Variants in CETP observed in about 807,000 individuals in gnomAD.
CETP encodes BPI fold containing family F.
In CETP, 56 loss-of-function variants were observed where a neutral mutation model predicts 66.5. That is an observed-to-expected ratio of 0.84 (90% CI 0.68 to 1.05). CETP has a LOEUF of 1.05. CETP is among the 50% of genes least tolerant of loss of function. The probability of loss-of-function intolerance (pLI) is 0.00; values close to 1 mark genes in which losing one functional copy is unlikely to be tolerated. For synonymous variants in CETP, 251 were observed against 245.7 expected (o/e 1.02, Z -0.20); for missense variants, 612 against 609.6 (o/e 1.00, Z -0.04).
At chr16:56,971,673 T>TA (rs1356075538) in intron 7 of CETP, among the ~76,000 whole-genome samples, 2 of 152,202 alleles carry the variant, frequency 1.3e-5, no homozygotes, top group Non-Finnish European at 2.9e-5. Context: ...GGAAAAAAGA[T>TA]AATTAGATTG....
At chr16:56,981,814 C>G (rs2142006666) in intron 13 of CETP, 134 bp downstream of exon 13, 1 of 851,404 alleles carries the variant, frequency 1.2e-6, no homozygotes, top group Admixed American at 2.1e-5. Context: ...CATGCTGTGT[C>G]TCTTGTGACC....
At chr16:56,964,636 C>T (rs2090909167) in intron 2 of CETP, among the ~76,000 whole-genome samples, 1 of 152,194 alleles carries the variant, frequency 6.6e-6, no homozygotes, top group African/African-American at 2.4e-5. Context: ...TAAACACGCT[C>T]CCCAGGGGTG....
At chr16:56,972,106 G>A (rs777945144) in intron 8 of CETP, 23 bp downstream of exon 8, 2 of 1,574,374 alleles carry the variant, frequency 1.3e-6, no homozygotes, top group Non-Finnish European at 1.7e-6. Flanking sequence ...GGAGGGTGGG[G>A]CAGGGCCCAG....
intron 9 of CETP, among the ~76,000 whole-genome samples, chr16:56,974,560 C>T (rs1433420726): frequency 3.9e-5 from 6 of 152,178 alleles, no homozygotes; most frequent in Admixed American, 6.5e-5. Flanking sequence ...TAACTTGGCA[C>T]GTAGTAACTG....
At chr16:56,971,964 G>A (rs1395019873) in intron 7 of CETP, 28 bp from the exon 8 acceptor site, 4 of 1,597,228 alleles carry the variant, frequency 2.5e-6, no homozygotes, top group Non-Finnish European at 2.6e-6. Flanking sequence ...CCATCCTGAG[G>A]CCCTGCGTTG....
At chr16:56,976,788 T>A (rs1316549221) in intron 10 of CETP, among the ~76,000 whole-genome samples, 1 of 152,232 alleles carries the variant, frequency 6.6e-6, no homozygotes, top group African/African-American at 2.4e-5. Context: ...ATCTCTTTTA[T>A]CTCTATCCTA....
chr16:56,972,580 C>T (rs764277368), intron 8 of CETP, among the ~76,000 whole-genome samples: 7 of 152,254 alleles, frequency 4.6e-5, no homozygotes, highest in South Asian at 2.1e-4. Flanking sequence ...GCCCCTTCCA[C>T]GTGTTCTCAG....
At chr16:56,982,018 C>T (rs2056191815) in intron 13 of CETP, 147 bp from the exon 14 acceptor site, 5 of 784,708 alleles carry the variant, frequency 6.4e-6, no homozygotes, top group African/African-American at 1.7e-5. Flanking sequence ...GGAAGGGCAC[C>T]GTCTGGGGCA....
rs147936747 is a variant in CETP at position 56,980,296 on chromosome 16, G to A, written c.1147-862G>A. 8.1e-4 allele frequency among the ~76,000 whole-genome samples: 123 copies of A among 152,186 alleles called. No individual in the cohort carries two copies. In the East Asian group the frequency reaches 0.021, roughly 26 times the overall value. ...GTTTCTGCCCAGGCTGGAGTGCAGC[G>A]GTGATCCTCCCACCTCAGCTTCTCG... is the stretch of plus-strand genomic sequence containing the variant. On this transcript the variant is annotated intron_variant, in intron 11 of 15. Transcript: ENST00000200676.
rs191754368 is a variant in CETP at position 56,972,970 on chromosome 16, C to T, written c.751-361C>T. Among the ~76,000 whole-genome samples the T allele has an allele frequency of 2.8e-3, 429 of 152,148 alleles. 4 individuals are homozygous for T. Among genetic ancestry groups the T allele is most frequent in the African/African-American group, 9.4e-3 (391 of 41,488 alleles). ...TTTCCTGATTTTGGCCTCCAGGAGC[C>T]GATGGTCAATGGACTGCCCTCTGCA... On this transcript the variant is annotated intron_variant, in intron 8 of 15. Coordinates refer to ENST00000200676, the MANE Select transcript of CETP (RefSeq NM_000078.3).
intron 10 of CETP, among the ~76,000 whole-genome samples, chr16:56,976,822 ATCTTTTTAGTTCATTAAT>A (rs1159762080): frequency 4.6e-5 from 7 of 151,858 alleles, no homozygotes; most frequent in Non-Finnish European, 8.8e-5. Context: ...TTCTTCAAGT[ATCTTTTTAGTTCATTAAT>A]TCTTTTTACA....
intron 10 of CETP, among the ~76,000 whole-genome samples, chr16:56,976,560 C>T (rs1699046224): frequency 6.6e-6 from 1 of 151,782 alleles, no homozygotes; most frequent in South Asian, 2.1e-4. Context: ...CAACCTCCAC[C>T]TTCCGGGTTC....
intron 5 of CETP, among the ~76,000 whole-genome samples, chr16:56,970,466 C>T (rs536546811): frequency 3.2e-4 from 48 of 152,324 alleles, no homozygotes; most frequent in African/African-American, 1.1e-3. Flanking sequence ...ACACACAACT[C>T]GCCACTAAGG....
At chr16:56,966,279 A>G (rs17231590) in intron 2 of CETP, among the ~76,000 whole-genome samples, 2,256 of 152,054 alleles carry the variant, frequency 0.015, 74 homozygotes, top group African/African-American at 0.052. Flanking sequence ...GCTTCCCTCC[A>G]TCTACTTTTA....
intron 14 of CETP, among the ~76,000 whole-genome samples, chr16:56,982,679 C>A (rs1202298765): frequency 6.6e-6 from 1 of 152,164 alleles, no homozygotes. Context: ...TGAGGTGACT[C>A]GGATGGTAGA....
intron 2 of CETP, among the ~76,000 whole-genome samples, chr16:56,963,943 A>G (rs184663318): frequency 6.6e-5 from 10 of 151,434 alleles, no homozygotes; most frequent in African/African-American, 2.2e-4. Context: ...TGCTGGGGTT[A>G]CAGGCGTGAG....
chr16:56,969,722 C>T (rs756262184), intron 4 of CETP, 41 bp downstream of exon 4: 1 of 1,608,470 alleles, frequency 6.2e-7, no homozygotes, highest in Non-Finnish European at 8.5e-7. Context: ...GAGCTGGACT[C>T]CAGGGCTTGG....
intron 2 of CETP, among the ~76,000 whole-genome samples, chr16:56,967,518 C>T (rs1202980892): frequency 1.3e-5 from 2 of 151,438 alleles, no homozygotes; most frequent in Admixed American, 6.6e-5. Flanking sequence ...AGCTGGATGT[C>T]GTGGCGGGAG....
Position 56,972,099 on chromosome 16 carries a change from G to C in CETP, c.750+16G>C. On this transcript the variant is annotated intron_variant, in intron 8 of 15. Transcript: ENST00000200676. ...CCATCACAAGGTAGGAGTTGTGGGA[G>C]GGTGGGGCAGGGCCCAGCTTCCCCA... 4 of 1,595,230 alleles carry C rather than the reference G, an allele frequency of 2.5e-6. No homozygotes were observed. Among genetic ancestry groups the C allele is most frequent in the Non-Finnish European group, 3.4e-6 (4 of 1,163,070 alleles).
Sources: gnomAD v4.1 joint callset for allele counts (sites outside exome capture counted in the v4.1 genomes callset) on GRCh38, gnomAD v4.1.1 for gene constraint, MANE v1.5 for transcripts, NCBI Gene and HGNC (gene_info 2026-07-23, HGNC 2026-07-21) for gene names.